Variants in DOCK3 observed in about 807,000 individuals in gnomAD.
DOCK3 encodes dedicator of cytokinesis protein 3.
DOCK3 carries 60 observed loss-of-function variants against 265.6 expected under a neutral mutation model. The ratio of observed to expected loss-of-function variants is 0.23; its 90% CI spans 0.18 to 0.28. The LOEUF is 0.28. Ranked by LOEUF, DOCK3 falls within the 10% of genes least tolerant of loss-of-function variation. The pLI is 1.00. For missense variants in DOCK3, 1,981 were observed against 2,594.3 expected (o/e 0.76, Z 5.14); for synonymous variants, 881 against 938.0 (o/e 0.94, Z 1.11).
chr3:50,887,395 C>T (rs1009283824), intron 3 of DOCK3, among the ~76,000 whole-genome samples: 17 of 130,212 alleles, frequency 1.3e-4, no homozygotes, highest in Non-Finnish European at 2.6e-4. Flanking sequence ...AATAAAAGCC[C>T]AGGACCAGAA....
chr3:50,882,146 C>T (rs1022884937), intron 3 of DOCK3, among the ~76,000 whole-genome samples: 1 of 152,110 alleles, frequency 6.6e-6, no homozygotes, highest in African/African-American at 2.4e-5. Context: ...AACCTTAGAC[C>T]TAAAACCATA....
rs561835409 is a variant in DOCK3 at position 50,784,442 on chromosome 3, G to A, written c.121+5684G>A. 7.2e-5 allele frequency among the ~76,000 whole-genome samples: 11 copies of A among 152,322 alleles called. No individual in the cohort carries two copies. In the East Asian group the frequency reaches 1.9e-3, roughly 27 times the overall value. Reference sequence around the variant, plus strand: ...ATAGTATGGTTTGAGGTAGGGTAATGTGATGCTTGCAGATTTGTTCTTTTT... The same window carrying A: ...ATAGTATGGTTTGAGGTAGGGTAATATGATGCTTGCAGATTTGTTCTTTTT... On this transcript the variant is annotated intron_variant, in intron 2 of 52. Transcript: ENST00000266037.
At chr3:50,955,252 C>T (rs2076698536) in intron 5 of DOCK3, among the ~76,000 whole-genome samples, 1 of 152,174 alleles carries the variant, frequency 6.6e-6, no homozygotes, top group South Asian at 2.1e-4. Flanking sequence ...TAAATTAGTT[C>T]AACCATTGTG....
intron 14 of DOCK3, among the ~76,000 whole-genome samples, chr3:51,214,855 G>A (rs546007636): frequency 2.1e-4 from 32 of 152,270 alleles, no homozygotes; most frequent in Non-Finnish European, 3.5e-4. Context: ...ACCCTCAACT[G>A]TGGTCCCAGT....
intron 27 of DOCK3, among the ~76,000 whole-genome samples, chr3:51,296,091 C>A (rs1576691823): frequency 6.6e-6 from 1 of 152,146 alleles, no homozygotes; most frequent in East Asian, 1.9e-4. Flanking sequence ...TCTAAGGCAT[C>A]CACAGGAAAA....
At chr3:50,730,425 G>A (rs1349051252) in intron 1 of DOCK3, among the ~76,000 whole-genome samples, 2 of 152,222 alleles carry the variant, frequency 1.3e-5, no homozygotes, top group African/African-American at 4.8e-5. Context: ...TTACAGGCGT[G>A]AGCCGCTGTG....
intron 3 of DOCK3, among the ~76,000 whole-genome samples, chr3:50,887,368 T>C (rs1197352776): frequency 1.4e-5 from 2 of 138,192 alleles, no homozygotes; most frequent in Admixed American, 1.5e-4. Flanking sequence ...GAGACAGTAA[T>C]TAATAGCCTA....
At chr3:50,743,142 T>C (rs1210236920) in intron 1 of DOCK3, among the ~76,000 whole-genome samples, 2 of 142,680 alleles carry the variant, frequency 1.4e-5, no homozygotes, top group Non-Finnish European at 3.0e-5. Context: ...AAGCAAGTGC[T>C]GAGAGATTTT....
At position 51,090,363 on chromosome 3, in the gene DOCK3, T is replaced by C; in HGVS notation, c.725T>C (p.Met242Thr). ...GATGTCTTCTTTTCCTTATATGACA[T>C]GAGGGAAGGCAAGCAGATCAGGTGA... ...DTDVFFSLYD[M>T]REGKQISERF... The change falls in exon 9 of 53, where the codon ATG (methionine) becomes ACG (threonine). Residue 242 changes from methionine to threonine, a missense_variant. Physicochemically the swap from Met to Thr is moderately conservative, Grantham distance 81. This residue lies in a region of DOCK3 where 456 missense variants were observed against 539.0 expected (regional missense o/e 0.85). Transcript: ENST00000266037. The C allele has an allele frequency of 6.2e-7, 1 of 1,606,800 alleles. No homozygotes were observed. Among genetic ancestry groups the C allele is most frequent in the South Asian group, 1.1e-5 (1 of 89,288 alleles).
chr3:51,228,605 G>A (rs2090425862), intron 17 of DOCK3, 56 bp from the exon 18 acceptor site: 2 of 1,555,522 alleles, frequency 1.3e-6, no homozygotes, highest in Non-Finnish European at 1.7e-6. Flanking sequence ...CCTAGGACCT[G>A]GTTTTTGCAT....
chr3:51,265,471 A>T (rs1252346077), intron 23 of DOCK3, among the ~76,000 whole-genome samples: 1 of 152,218 alleles, frequency 6.6e-6, no homozygotes, highest in Admixed American at 6.5e-5. Flanking sequence ...GGCAAACCGA[A>T]TCCAGCAGCA....
intron 5 of DOCK3, among the ~76,000 whole-genome samples, chr3:51,063,935 G>A (rs2081505837): frequency 6.6e-6 from 1 of 152,204 alleles, no homozygotes. Context: ...AAAATCAGAT[G>A]AGGCCTAGAA....
At chr3:50,960,205 G>A (rs2076849812) in intron 5 of DOCK3, among the ~76,000 whole-genome samples, 1 of 152,046 alleles carries the variant, frequency 6.6e-6, no homozygotes, top group African/African-American at 2.4e-5. Flanking sequence ...CTTTTATGGG[G>A]GTAGATATCT....
chr3:50,748,980 A>G (rs1234556456), intron 1 of DOCK3, among the ~76,000 whole-genome samples: 1 of 152,086 alleles, frequency 6.6e-6, no homozygotes, highest in Non-Finnish European at 1.5e-5. Context: ...ATCTGTTAGA[A>G]AATAGCCATC....
At chr3:51,376,289 C>T (rs916383778) in intron 51 of DOCK3, among the ~76,000 whole-genome samples, 8 of 152,188 alleles carry the variant, frequency 5.3e-5, no homozygotes, top group Non-Finnish European at 7.3e-5. Flanking sequence ...ATGCTATTTC[C>T]CAAAGACAGG....
chr3:51,356,897 T>TCTCA, intron 43 of DOCK3, 65 bp from the exon 44 acceptor site: 1 of 1,511,736 alleles, frequency 6.6e-7, no homozygotes, highest in Non-Finnish European at 8.9e-7. Context: ...AGACCCCAGC[T>TCTCA]CTCAGGAAGA....
chr3:51,316,364 C>T (rs1166823434), intron 32 of DOCK3, among the ~76,000 whole-genome samples: 1 of 152,180 alleles, frequency 6.6e-6, no homozygotes, highest in Admixed American at 6.5e-5. Flanking sequence ...ATTCATTCAC[C>T]ATTTGAAAGA....
At chr3:50,990,596 G>A (rs2078069167) in intron 5 of DOCK3, among the ~76,000 whole-genome samples, 1 of 152,188 alleles carries the variant, frequency 6.6e-6, no homozygotes. Flanking sequence ...TGGGATAGAT[G>A]TATGTATAAA....
intron 15 of DOCK3, among the ~76,000 whole-genome samples, chr3:51,227,017 C>G (rs1309267077): frequency 6.6e-6 from 1 of 152,180 alleles, no homozygotes. Flanking sequence ...ATGCACCACC[C>G]TGCTTCTCTC....
Sources: allele counts gnomAD v4.1 joint callset (sites outside exome capture counted in the v4.1 genomes callset), GRCh38; gene constraint gnomAD v4.1.1; regional missense constraint gnomAD v4.1.1; transcripts MANE v1.5; gene names NCBI Gene and HGNC (gene_info 2026-07-23, HGNC 2026-07-21).